The following ATL1 variants were observed in gnomAD, a reference collection of about 807,000 sequenced individuals.
ATL1 encodes atlastin-1.
In ATL1, 31 loss-of-function variants were observed where a neutral mutation model predicts 75.5. That is an observed-to-expected ratio of 0.41 (90% confidence interval 0.31 to 0.55). ATL1 has a LOEUF of 0.55. ATL1 is among the 20% of genes least tolerant of loss of function. ATL1 has a pLI of 0.27. For synonymous variants in ATL1, 226 were observed against 233.3 expected, an observed-to-expected ratio of 0.97 and a Z score of 0.28; for missense variants, 405 against 662.6, an observed-to-expected ratio of 0.61 and a Z score of 4.27.
intron 1 of ATL1, among the ~76,000 whole-genome samples, chr14:50,574,937 G>GTGTGTATATATATA (rs1475087119): frequency 1.3e-4 from 3 of 23,158 alleles, no homozygotes; most frequent in African/African-American, 3.8e-4. Flanking sequence ...GTGTGTGTGT[G>GTGTGTATATATATA]TATATATATA....
chr14:50,570,933 A>T (rs1046818471), intron 1 of ATL1, among the ~76,000 whole-genome samples: 2 of 152,172 alleles, frequency 1.3e-5, no homozygotes, highest in Non-Finnish European at 2.9e-5. Context: ...TAAACTTAAG[A>T]TCTTCACGGT....
chr14:50,553,442 T>TAA (rs547797971), intron 1 of ATL1, among the ~76,000 whole-genome samples: 2 of 150,706 alleles, frequency 1.3e-5, no homozygotes, highest in African/African-American at 4.9e-5. Flanking sequence ...ATTTAAAAAT[T>TAA]AAAAAAAAAT....
intron 1 of ATL1, among the ~76,000 whole-genome samples, chr14:50,548,758 C>T (rs139095542): frequency 4.7e-4 from 71 of 152,228 alleles, no homozygotes; most frequent in African/African-American, 1.7e-3. Flanking sequence ...GATCCGCCTG[C>T]CTCAGCCTCC....
chr14:50,627,388 A>T lies in ATL1; in HGVS notation c.1120-643A>T, dbSNP rs571323394. Reference sequence around the variant, plus strand: ...GCTTATTGCAGTGGTCTGGAACCAAACATGTATTATCTCTGAGGCATGCCT... The same window carrying T: ...GCTTATTGCAGTGGTCTGGAACCAATCATGTATTATCTCTGAGGCATGCCT... On this transcript the variant is annotated intron_variant, in intron 11 of 13. Coordinates refer to ENST00000358385, the MANE Select transcript of ATL1 (RefSeq NM_015915.5). 2.0e-5 allele frequency among the ~76,000 whole-genome samples: 3 copies of T among 152,360 alleles called. No individual in the cohort carries two copies. The South Asian group carries it at 6.2e-4, about 32-fold the overall frequency.
chr14:50,574,937 G>C (rs2934695), intron 1 of ATL1, among the ~76,000 whole-genome samples: 4 of 23,160 alleles, frequency 1.7e-4, no homozygotes, highest in Admixed American at 1.6e-3. Context: ...GTGTGTGTGT[G>C]TATATATATA....
intron 11 of ATL1, among the ~76,000 whole-genome samples, chr14:50,625,730 A>G (rs1198088533): frequency 2.0e-5 from 3 of 152,038 alleles, no homozygotes; most frequent in Non-Finnish European, 2.9e-5. Context: ...AGACCACGGT[A>G]AAACCCCGTC....
At chr14:50,595,256 A>G (rs897404620) in intron 5 of ATL1, among the ~76,000 whole-genome samples, 1 of 152,126 alleles carries the variant, frequency 6.6e-6, no homozygotes, top group Non-Finnish European at 1.5e-5. Context: ...CCACAAAAAA[A>G]TTAACCCACA....
At chr14:50,628,845 T>C (rs1387541301) in intron 12 of ATL1, among the ~76,000 whole-genome samples, 1 of 152,044 alleles carries the variant, frequency 6.6e-6, no homozygotes, top group African/African-American at 2.4e-5. Context: ...GCCTCTCGAG[T>C]AGATGGGACT....
At chr14:50,578,315 G>A (rs1331351172) in intron 1 of ATL1, among the ~76,000 whole-genome samples, 1 of 152,046 alleles carries the variant, frequency 6.6e-6, no homozygotes, top group African/African-American at 2.4e-5. Flanking sequence ...AATTCCATGT[G>A]TAACTCTTCA....
At chr14:50,622,560 G>A (rs1759236174) in intron 10 of ATL1, among the ~76,000 whole-genome samples, 1 of 152,144 alleles carries the variant, frequency 6.6e-6, no homozygotes, top group South Asian at 2.1e-4. Flanking sequence ...CAGCTACTTG[G>A]GAGGCTGAGG....
chr14:50,594,348 T>C (rs2039192156), intron 5 of ATL1, among the ~76,000 whole-genome samples: 1 of 152,170 alleles, frequency 6.6e-6, no homozygotes, highest in Non-Finnish European at 1.5e-5. Flanking sequence ...GTGGGGATTA[T>C]GGGGATTACA....
upstream of ATL1, among the ~76,000 whole-genome samples, chr14:50,557,028 T>C (rs908729573): frequency 6.6e-6 from 1 of 152,226 alleles, no homozygotes; most frequent in Non-Finnish European, 1.5e-5. Context: ...CTAATGTATA[T>C]GGCAATTCTA....
At chr14:50,595,430 A>C in intron 5 of ATL1, 146 bp from the exon 6 acceptor site, 1 of 654,276 alleles carries the variant, frequency 1.5e-6, no homozygotes, top group Non-Finnish European at 2.5e-6. Context: ...AATGATTATT[A>C]GAATCTTCTT....
At position 50,566,934 on chromosome 14, in the gene ATL1, A is replaced by AT. The variant is rs1287341000; in HGVS notation, c.34+6643dup. Among the ~76,000 whole-genome samples the AT allele has an allele frequency of 1.1e-4, 17 of 151,762 alleles. No individual in the cohort carries two copies. In the East Asian group the frequency reaches 2.3e-3, roughly 21 times the overall value. On this transcript the variant is annotated intron_variant, in intron 1 of 13. Coordinates refer to ENST00000358385, the MANE Select transcript of ATL1 (RefSeq NM_015915.5). ...ATCTGGTTTTAAAATTTTACACTTC[A>AT]TTTTTTTTCAGTTTTTAAAATTTGT...
chr14:50,589,009 G>A lies in ATL1; in HGVS notation c.282+931G>A, dbSNP rs2039128444. 2.0e-5 allele frequency among the ~76,000 whole-genome samples: 3 copies of A among 152,074 alleles called. No homozygotes were observed. The South Asian group carries it at 6.2e-4, about 31-fold the overall frequency. On this transcript the variant is annotated intron_variant, in intron 2 of 13. Coordinates refer to ENST00000358385, the MANE Select transcript of ATL1 (RefSeq NM_015915.5). ...TGTTCTAGATTGTGCTAGGCACTAT[G>A]GTGGATACCAAAGAAAACATACCAT...
At chr14:50,586,767 A>T (rs2039105881) in intron 1 of ATL1, among the ~76,000 whole-genome samples, 1 of 152,072 alleles carries the variant, frequency 6.6e-6, no homozygotes, top group South Asian at 2.1e-4. Context: ...TTGCAATCTA[A>T]TCCCAGTTTG....
At chr14:50,577,207 C>T (rs1157985534) in intron 1 of ATL1, among the ~76,000 whole-genome samples, 2 of 151,720 alleles carry the variant, frequency 1.3e-5, no homozygotes, top group Non-Finnish European at 2.9e-5. Flanking sequence ...GGACTACAAG[C>T]GTGTGCCACC....
intron 1 of ATL1, among the ~76,000 whole-genome samples, chr14:50,546,146 G>C (rs7152186): frequency 0.018 from 2,668 of 152,198 alleles, 73 homozygotes; most frequent in African/African-American, 0.061. Context: ...AAAAAAAAGA[G>C]GGTAAAAGAA....
At chr14:50,544,675 T>A (rs558797190) in intron 1 of ATL1, among the ~76,000 whole-genome samples, 1 of 152,074 alleles carries the variant, frequency 6.6e-6, no homozygotes, top group Non-Finnish European at 1.5e-5. Flanking sequence ...GGCTCACACT[T>A]GTAATCTCAG....
Sources: allele counts gnomAD v4.1 joint callset (sites outside exome capture counted in the v4.1 genomes callset), GRCh38; gene constraint gnomAD v4.1.1; transcripts MANE v1.5; gene names NCBI Gene and HGNC (gene_info 2026-07-23, HGNC 2026-07-21).